Variants in SLC13A3 observed in about 807,000 individuals in gnomAD.
The protein encoded by SLC13A3 is Na(+)/dicarboxylate cotransporter 3.
In SLC13A3, 40 loss-of-function variants were observed where a neutral mutation model predicts 59.0. The observed-to-expected ratio is 0.68, with a 90% CI of 0.53 to 0.88. The LOEUF is 0.88. Ranked by LOEUF, SLC13A3 falls within the 40% of genes least tolerant of loss-of-function variation. The pLI is 0.00. For synonymous variants in SLC13A3, 317 were observed against 330.3 expected, an observed-to-expected ratio of 0.96 and a Z score of 0.44; for missense variants, 699 against 783.2, an observed-to-expected ratio of 0.89 and a Z score of 1.28.
chr20:46,613,407 G>C (rs1033894730), intron 2 of SLC13A3, 53 bp downstream of exon 2: 1 of 1,498,550 alleles, frequency 6.7e-7, no homozygotes, highest in Non-Finnish European at 8.9e-7. Flanking sequence ...GGCTCCAGAG[G>C]TGTGGTCCCT....
intron 1 of SLC13A3, among the ~76,000 whole-genome samples, chr20:46,646,594 C>T (rs2062896903): frequency 6.6e-6 from 1 of 152,192 alleles, no homozygotes; most frequent in Non-Finnish European, 1.5e-5. Context: ...GTTTCCAGCC[C>T]AGGCTCCCCT....
upstream of SLC13A3, among the ~76,000 whole-genome samples, chr20:46,656,062 A>G (rs1443504936): frequency 7.0e-6 from 1 of 143,836 alleles, no homozygotes; most frequent in Non-Finnish European, 1.5e-5. Flanking sequence ...CATATACTAC[A>G]GTATACTATA....
intron 9 of SLC13A3, among the ~76,000 whole-genome samples, chr20:46,576,738 T>C (rs1209931122): frequency 6.6e-6 from 1 of 152,216 alleles, no homozygotes; most frequent in Non-Finnish European, 1.5e-5. Context: ...AGGATGGGTC[T>C]GACTCCTTTA....
At position 46,596,168 on chromosome 20, in the gene SLC13A3, G is replaced by A; in HGVS notation, c.783C>T (p.Gly261=). Reference sequence around the variant, plus strand: ...ACTCTCGCTTTCACCTCTTGAGCTGGCCAAGCAGGATGAGGTTAGGGGCTG... The same window carrying A: ...ACTCTCGCTTTCACCTCTTGAGCTGACCAAGCAGGATGAGGTTAGGGGCTG... The part of the protein sequence containing the change: ...TGTAPNLILL[G]QLKSFFPQCD... The change falls in exon 5 of 13, where the codon GGC becomes GGT. Residue 261 remains glycine, a synonymous_variant. Transcript: ENST00000279027. The A allele has an allele frequency of 6.2e-7, 1 of 1,613,480 alleles. No homozygotes were observed.
intron 9 of SLC13A3, among the ~76,000 whole-genome samples, chr20:46,576,590 A>G (rs1232059091): frequency 6.6e-6 from 1 of 152,190 alleles, no homozygotes; most frequent in Non-Finnish European, 1.5e-5. Context: ...AGGGTCTAGA[A>G]CAGTGCCTGA....
In SLC13A3 at chr20:46,589,157, T is replaced by C. The variant is rs199961976; in HGVS notation, c.1016+3A>G. The C allele has an allele frequency of 1.2e-3, 1,996 of 1,612,876 alleles. 2 individuals carry two copies. The highest frequency in any genetic ancestry group is 1.6e-3 in the Non-Finnish European group (1,905 of 1,178,846). ...TTTCCTTAACCCAAGGGCCCCCACA[T>C]ACTTGATGGGCCCCAGGTTCTGGTA... is the stretch of plus-strand genomic sequence containing the variant. On this transcript the variant is annotated splice_donor_region_variant and intron_variant, in intron 7 of 12. Coordinates refer to ENST00000279027, the MANE Select transcript of SLC13A3 (RefSeq NM_022829.6).
chr20:46,566,538 T>C (rs1256840045), intron 10 of SLC13A3, 148 bp from the exon 11 acceptor site: 2 of 815,184 alleles, frequency 2.5e-6, no homozygotes, highest in African/African-American at 3.6e-5. Context: ...ACGTGTCCAA[T>C]GTCACACATT....
chr20:46,560,225 G>A (rs1441769351), intron 12 of SLC13A3, 27 bp from the exon 13 acceptor site: 4 of 1,611,660 alleles, frequency 2.5e-6, no homozygotes, highest in Non-Finnish European at 1.7e-6. Context: ...ACAGAGGGAG[G>A]GGTCAGCACC....
intron 1 of SLC13A3, among the ~76,000 whole-genome samples, chr20:46,657,399 C>T (rs117446074): frequency 1.3e-5 from 2 of 151,752 alleles, no homozygotes; most frequent in African/African-American, 2.4e-5. Context: ...CAGTGTGAGA[C>T]CTTCCACTTG....
intron 1 of SLC13A3, among the ~76,000 whole-genome samples, chr20:46,680,784 T>C (rs2063150510): frequency 6.6e-6 from 1 of 152,188 alleles, no homozygotes; most frequent in Non-Finnish European, 1.5e-5. Flanking sequence ...TCCTCTGCCA[T>C]CTCCTGTGTC....
intron 3 of SLC13A3, chr20:46,600,533 G>A: frequency 2.6e-6 from 1 of 389,126 alleles, no homozygotes; most frequent in Non-Finnish European, 5.6e-6. Context: ...AGGCCTGTTG[G>A]CAGGGGTTTA....
intron 8 of SLC13A3, among the ~76,000 whole-genome samples, chr20:46,586,947 A>G (rs2062198851): frequency 6.6e-6 from 1 of 152,238 alleles, no homozygotes; most frequent in Non-Finnish European, 1.5e-5. Flanking sequence ...CTGTGTGTCA[A>G]TAAAACTTTA....
At chr20:46,581,177 T>C (rs2062132879) in intron 9 of SLC13A3, among the ~76,000 whole-genome samples, 1 of 152,174 alleles carries the variant, frequency 6.6e-6, no homozygotes, top group Non-Finnish European at 1.5e-5. Flanking sequence ...CCTCCCAGAC[T>C]AAGCCCCAAT....
At chr20:46,680,592 G>A (rs537007640) in intron 1 of SLC13A3, among the ~76,000 whole-genome samples, 2 of 152,288 alleles carry the variant, frequency 1.3e-5, no homozygotes, top group Non-Finnish European at 2.9e-5. Flanking sequence ...CCTTCCAGGC[G>A]TGACACCCCC....
chr20:46,586,951 A>G (rs2062198911), intron 8 of SLC13A3, among the ~76,000 whole-genome samples: 1 of 152,202 alleles, frequency 6.6e-6, no homozygotes, highest in Non-Finnish European at 1.5e-5. Context: ...GTGTCAATAA[A>G]ACTTTATTTG....
intron 11 of SLC13A3, 24 bp from the exon 12 acceptor site, chr20:46,563,575 G>T (rs764995544): frequency 1.2e-6 from 2 of 1,610,940 alleles, no homozygotes; most frequent in South Asian, 2.2e-5. Context: ...AGGTGGGAGA[G>T]ACCCGGAGAG....
chr20:46,563,362 C>G lies in SLC13A3; in HGVS notation c.1632+52G>C, dbSNP rs575329010. 9 of 1,586,648 alleles carry G rather than the reference C, an allele frequency of 5.7e-6. No individual in the cohort carries two copies. In the African/African-American group the frequency reaches 6.7e-5, roughly 12 times the overall value. ...CCTGCATAGAGGCCTTGCCCGCCCC[C>G]TTGCGGCCCACCCACATCCCGGGGC... On this transcript the variant is annotated intron_variant, in intron 12 of 12. Transcript: ENST00000279027.
upstream of SLC13A3, among the ~76,000 whole-genome samples, chr20:46,652,884 C>G (rs1385049039): frequency 2.0e-5 from 3 of 152,186 alleles, no homozygotes; most frequent in Non-Finnish European, 4.4e-5. Flanking sequence ...TATGAATCAT[C>G]CAGTTTCTCC....
At chr20:46,662,349 A>C (rs957260809) in intron 1 of SLC13A3, among the ~76,000 whole-genome samples, 7 of 152,210 alleles carry the variant, frequency 4.6e-5, no homozygotes, top group Admixed American at 6.5e-5. Context: ...AAATAATAAC[A>C]AAAACATGTT....
Sources: allele counts gnomAD v4.1 joint callset (sites outside exome capture counted in the v4.1 genomes callset), GRCh38; gene constraint gnomAD v4.1.1; transcripts MANE v1.5; gene names NCBI Gene and HGNC (gene_info 2026-07-23, HGNC 2026-07-21).